The following VIPR2 variants were observed in gnomAD, a reference collection of about 807,000 sequenced individuals.
The protein encoded by VIPR2 is vasoactive intestinal polypeptide receptor 2.
Under a neutral mutation model 58.0 loss-of-function variants are expected in VIPR2, and 48 were observed. That is an observed-to-expected ratio of 0.83 (90% CI 0.66 to 1.05). The LOEUF is 1.05. Among genes scored for constraint, VIPR2 ranks in the 50% least tolerant of loss-of-function variants. The pLI is 0.00. For missense variants in VIPR2, 534 were observed against 558.0 expected, an observed-to-expected ratio of 0.96 and a Z score of 0.43; for synonymous variants, 243 against 235.2, an observed-to-expected ratio of 1.03 and a Z score of -0.30.
chr7:159,138,594 T>C (rs1383609377), intron 2 of VIPR2, among the ~76,000 whole-genome samples: 1 of 152,134 alleles, frequency 6.6e-6, no homozygotes, highest in Non-Finnish European at 1.5e-5. Flanking sequence ...TAAGAACAAA[T>C]GCAAAACAGT....
rs763829150 is a variant in VIPR2 at position 159,103,796 on chromosome 7, G to A, written c.318C>T (p.Val106=). 25 of 1,614,040 alleles carry A rather than the reference G, an allele frequency of 1.5e-5. No individual in the cohort carries two copies. The African/African-American group carries it at 1.6e-4, about 10-fold the overall frequency. ...DGWSETFPDF[V]DACGYSDPED... ...CCGGGTCGCTGTAGCCACAGGCATCGACGAAATCTGGGAACGTCTCTGACC... is the reference window on the plus strand; with the variant it reads ...CCGGGTCGCTGTAGCCACAGGCATCAACGAAATCTGGGAACGTCTCTGACC... Residue 106 remains valine (V), a synonymous_variant, in exon 4 of 13, where the codon GTC becomes GTT. Coordinates refer to ENST00000262178, the MANE Select transcript of VIPR2 (RefSeq NM_003382.5).
At chr7:159,144,652 G>C (rs1328418647) in intron 1 of VIPR2, 69 bp downstream of exon 1, 1 of 1,374,662 alleles carries the variant, frequency 7.3e-7, no homozygotes, top group African/African-American at 1.5e-5. Flanking sequence ...CCGGCGGGAG[G>C]AGCGCTCTTC....
rs543454069 is a variant in VIPR2 at position 159,121,084 on chromosome 7, G to A, written c.152-11165C>T. ...GGGCAGAAACCTGCATGGGAAGAGG[G>A]GAGGCGTCTCCCTCCCATGCCCAGG... On this transcript the variant is annotated intron_variant, in intron 2 of 12. Coordinates refer to ENST00000262178, the MANE Select transcript of VIPR2 (RefSeq NM_003382.5). Among the ~76,000 whole-genome samples the A allele has an allele frequency of 7.9e-5, 12 of 152,284 alleles. No individual in the cohort carries two copies. In the East Asian group the frequency reaches 2.1e-3, roughly 27 times the overall value.
intron 4 of VIPR2, among the ~76,000 whole-genome samples, chr7:159,101,149 A>T (rs1858198609): frequency 7.0e-6 from 1 of 142,890 alleles, no homozygotes; most frequent in Non-Finnish European, 1.5e-5. Context: ...GAGTCTCATG[A>T]GATCCGACGA....
chr7:159,113,266 A>G (rs1447493949), intron 2 of VIPR2, among the ~76,000 whole-genome samples: 3 of 152,158 alleles, frequency 2.0e-5, no homozygotes, highest in African/African-American at 7.2e-5. Context: ...GACATTGTAT[A>G]GAAAGACACT....
intron 4 of VIPR2, among the ~76,000 whole-genome samples, chr7:159,075,123 A>G (rs1856572581): frequency 6.6e-6 from 1 of 152,204 alleles, no homozygotes; most frequent in Admixed American, 6.5e-5. Context: ...GATGCTTTTG[A>G]AAAGTTTAGG....
intron 4 of VIPR2, among the ~76,000 whole-genome samples, chr7:159,082,768 A>G (rs1429877028): frequency 6.6e-6 from 1 of 152,158 alleles, no homozygotes; most frequent in Non-Finnish European, 1.5e-5. Flanking sequence ...ATAGGCAGAT[A>G]GGCAGAAAGC....
chr7:159,064,130 GC>G (rs920667297), intron 4 of VIPR2, among the ~76,000 whole-genome samples: 27 of 109,620 alleles, frequency 2.5e-4, no homozygotes, highest in Non-Finnish European at 5.8e-4. Flanking sequence ...GGGAAGCCGC[GC>G]CCGGCGTGGG....
Position 159,058,592 on chromosome 7 carries a change from A to G in VIPR2, c.358-14T>C, listed in dbSNP as rs1855460060. ...ATAAAACGTGATCTACAAAGAAAGA[A>G]AACAGATCTGTAAGCTGAGGGTGAC... On this transcript the variant is annotated splice_polypyrimidine_tract_variant and intron_variant, in intron 4 of 12. Transcript: ENST00000262178. 6.3e-7 allele frequency: 1 copy of G among 1,576,292 alleles called. No individual in the cohort carries two copies. Among genetic ancestry groups the G allele is most frequent in the Admixed American group, 1.7e-5 (1 of 59,916 alleles).
In VIPR2 at chr7:159,076,478, T is replaced by C. The variant is rs150837312; in HGVS notation, c.358-17900A>G. ...GTCTTTAGCCATTTGAGCAAATTATTTTGTCTGCCAGAAACACAATTTGGA... is the reference window on the plus strand; with the variant it reads ...GTCTTTAGCCATTTGAGCAAATTATCTTGTCTGCCAGAAACACAATTTGGA... On this transcript the variant is annotated intron_variant, in intron 4 of 12. Transcript: ENST00000262178. Among the ~76,000 whole-genome samples, 526 of 152,348 alleles carry C rather than the reference T, an allele frequency of 3.5e-3. 3 individuals are homozygous for C. The highest frequency in any genetic ancestry group is 0.012 in the African/African-American group (499 of 41,580).
rs754412466 is a variant in VIPR2, at chr7:159,103,471, G to A, written c.357+286C>T. 1.2e-4 allele frequency among the ~76,000 whole-genome samples: 18 copies of A among 152,142 alleles called. 1 individual carries two copies. Among genetic ancestry groups the A allele is most frequent in the Admixed American group, 2.0e-4 (3 of 15,274 alleles). On this transcript the variant is annotated intron_variant, in intron 4 of 12. Transcript: ENST00000262178. ...TCTGAAAAGTAACTTTCGGGCAGGC[G>A]GGGCCACTCTCAGGTTCTCCTCACC...
chr7:159,119,422 C>T (rs1018736224), intron 2 of VIPR2, among the ~76,000 whole-genome samples: 4 of 152,206 alleles, frequency 2.6e-5, no homozygotes, highest in East Asian at 1.9e-4. Flanking sequence ...ACGTGGCCTG[C>T]GTCTCCAGAC....
intron 4 of VIPR2, among the ~76,000 whole-genome samples, chr7:159,078,526 T>A (rs1856757583): frequency 6.6e-6 from 1 of 152,228 alleles, no homozygotes; most frequent in Non-Finnish European, 1.5e-5. Flanking sequence ...GAAGGCAATG[T>A]GCCCCATACA....
chr7:159,097,093 G>C lies in VIPR2; in HGVS notation c.357+6664C>G. 2.0e-6 allele frequency: 3 copies of C among 1,516,278 alleles called. No homozygotes were observed. Among genetic ancestry groups the C allele is most frequent in the South Asian group, 1.2e-5 (1 of 80,530 alleles). The allele number at this position is 1,516,278 out of a possible 1,614,324, so 93.9% of individuals were successfully genotyped here. A position where few individuals can be genotyped will look rare whatever the true frequency, so the allele number is the denominator to read the frequency against. ...CTGGGAGGCTGGTGTGTCCTTGCAG[G>C]GTTGCAGGAGGGTTGGCGGGATGAT... On this transcript the variant is annotated intron_variant, in intron 4 of 12. Coordinates refer to ENST00000262178, the MANE Select transcript of VIPR2 (RefSeq NM_003382.5). This position sits in a 1 kb window ranked among gnomAD's most constrained non-coding sequence, Gnocchi z 5.3.
chr7:159,118,320 C>T lies in VIPR2; in HGVS notation c.152-8401G>A, dbSNP rs112460026. On this transcript the variant is annotated intron_variant, in intron 2 of 12. Transcript: ENST00000262178. ...AGGAAAAGACCTGCAGGAGGAATTCCGATTGCCTGGTTGTGATGGAGTGTG... is the reference window on the plus strand; with the variant it reads ...AGGAAAAGACCTGCAGGAGGAATTCTGATTGCCTGGTTGTGATGGAGTGTG... 1.9e-3 allele frequency among the ~76,000 whole-genome samples: 290 copies of T among 152,284 alleles called. 1 individual carries two copies. The highest frequency in any genetic ancestry group is 6.5e-3 in the African/African-American group (270 of 41,552).
At chr7:159,105,763 C>T (rs1585510275) in intron 3 of VIPR2, among the ~76,000 whole-genome samples, 2 of 152,216 alleles carry the variant, frequency 1.3e-5, no homozygotes, top group East Asian at 3.9e-4. Flanking sequence ...GGCAAGCCTC[C>T]TAGAGACCTG....
intron 2 of VIPR2, among the ~76,000 whole-genome samples, chr7:159,130,499 C>A (rs368352618): frequency 6.7e-6 from 1 of 149,010 alleles, no homozygotes; most frequent in East Asian, 1.9e-4. Flanking sequence ...CCACCTGGAC[C>A]GGCCAACCAC....
intron 10 of VIPR2, among the ~76,000 whole-genome samples, chr7:159,033,348 C>T (rs1343698198): frequency 2.0e-5 from 3 of 152,186 alleles, no homozygotes; most frequent in Non-Finnish European, 2.9e-5. Flanking sequence ...CGGCAGGGTT[C>T]CTGCCATGGT....
At chr7:159,053,746 C>T (rs1033017865) in intron 5 of VIPR2, among the ~76,000 whole-genome samples, 1 of 152,142 alleles carries the variant, frequency 6.6e-6, no homozygotes, top group African/African-American at 2.4e-5. Flanking sequence ...TGGGGTCTCC[C>T]TATGTTGCCC....
Sources: allele counts gnomAD v4.1 joint callset (sites outside exome capture counted in the v4.1 genomes callset), GRCh38; gene constraint gnomAD v4.1.1; non-coding constraint Gnocchi (gnomAD v3.1); transcripts MANE v1.5; gene names NCBI Gene and HGNC (gene_info 2026-07-23, HGNC 2026-07-21).